PTPRR: variants seen among roughly 807,000 people sequenced by gnomAD.
The protein encoded by PTPRR is protein tyrosine phosphatase receptor type R.
In PTPRR, 38 loss-of-function variants were observed where a neutral mutation model predicts 77.2. The observed-to-expected ratio is 0.49, with a 90% CI of 0.38 to 0.65. PTPRR has a LOEUF of 0.65. Among genes scored for constraint, PTPRR ranks in the 30% least tolerant of loss-of-function variants. The probability of loss-of-function intolerance (pLI) is 0.00; values close to 1 mark genes in which losing one functional copy is unlikely to be tolerated. For synonymous variants in PTPRR, 299 were observed against 283.1 expected (o/e 1.06, Z -0.57); for missense variants, 744 against 799.2 (o/e 0.93, Z 0.83).
At chr12:70,772,925 C>A (rs74236507) in intron 2 of PTPRR, among the ~76,000 whole-genome samples, 3,896 of 152,114 alleles carry the variant, frequency 0.026, 83 homozygotes, top group East Asian at 0.11. Context: ...ATACTAGAGG[C>A]TGGAAGTCTG....
chr12:70,850,572 A>G (rs1892555785), intron 2 of PTPRR, among the ~76,000 whole-genome samples: 1 of 152,106 alleles, frequency 6.6e-6, no homozygotes, highest in South Asian at 2.1e-4. Flanking sequence ...CAGAGCTATT[A>G]TTTTATTCTT....
At chr12:70,766,029 A>G (rs1296409420) in intron 2 of PTPRR, among the ~76,000 whole-genome samples, 3 of 152,156 alleles carry the variant, frequency 2.0e-5, no homozygotes, top group Non-Finnish European at 2.9e-5. Context: ...ACCATCATCA[A>G]AGACCAAAAG....
At chr12:70,867,866 C>T (rs986522554) in intron 2 of PTPRR, among the ~76,000 whole-genome samples, 1 of 152,000 alleles carries the variant, frequency 6.6e-6, no homozygotes, top group African/African-American at 2.4e-5. Flanking sequence ...AGAACAGAGC[C>T]CTCAGAAATA....
At chr12:70,882,455 C>T (rs932967659) in intron 2 of PTPRR, among the ~76,000 whole-genome samples, 3 of 152,066 alleles carry the variant, frequency 2.0e-5, no homozygotes, top group Non-Finnish European at 4.4e-5. Context: ...AGGAGACCCA[C>T]CCTTATCATA....
At chr12:70,653,442 A>C (rs1282356972) in intron 13 of PTPRR, among the ~76,000 whole-genome samples, 1 of 152,190 alleles carries the variant, frequency 6.6e-6, no homozygotes, top group Admixed American at 6.5e-5. Flanking sequence ...AAGCAGTTAC[A>C]TGTGGGGTGT....
intron 2 of PTPRR, among the ~76,000 whole-genome samples, chr12:70,804,269 C>T (rs1891670465): frequency 6.6e-6 from 1 of 151,688 alleles, no homozygotes; most frequent in Non-Finnish European, 1.5e-5. Context: ...ATTTGAAGAC[C>T]TCTGGGCCGG....
At chr12:70,912,343 C>G (rs1893712314) in intron 1 of PTPRR, among the ~76,000 whole-genome samples, 1 of 152,100 alleles carries the variant, frequency 6.6e-6, no homozygotes, top group South Asian at 2.1e-4. Flanking sequence ...GCTGTACAGT[C>G]CAGTGAATCA....
At chr12:70,724,661 G>A (rs1889372594) in intron 6 of PTPRR, among the ~76,000 whole-genome samples, 1 of 151,986 alleles carries the variant, frequency 6.6e-6, no homozygotes. Context: ...ACCCCTATTG[G>A]TAGTTACCAC....
At chr12:70,849,814 G>A (rs1204875615) in intron 2 of PTPRR, among the ~76,000 whole-genome samples, 1 of 152,058 alleles carries the variant, frequency 6.6e-6, no homozygotes, top group African/African-American at 2.4e-5. Context: ...GATATTTGAG[G>A]ATGAACTTGC....
chr12:70,848,480 A>G (rs905901597), intron 2 of PTPRR, among the ~76,000 whole-genome samples: 1 of 152,058 alleles, frequency 6.6e-6, no homozygotes, highest in Non-Finnish European at 1.5e-5. Context: ...ATGCCCAGCT[A>G]ATTTTTTAAA....
chr12:70,883,012 C>A (rs1175155260), intron 2 of PTPRR, among the ~76,000 whole-genome samples: 2 of 152,142 alleles, frequency 1.3e-5, no homozygotes, highest in African/African-American at 4.8e-5. Context: ...GTGACTCATG[C>A]CTGTAATCCC....
chr12:70,738,268 C>T (rs1316070430), intron 6 of PTPRR, among the ~76,000 whole-genome samples: 4 of 152,128 alleles, frequency 2.6e-5, no homozygotes, highest in Non-Finnish European at 5.9e-5. Flanking sequence ...TATTATGGTA[C>T]AGCTGAAGAA....
chr12:70,834,436 C>T (rs1361202021), intron 2 of PTPRR, among the ~76,000 whole-genome samples: 36 of 152,124 alleles, frequency 2.4e-4, no homozygotes, highest in Admixed American at 2.4e-3. Flanking sequence ...TCAGGCTGTT[C>T]AAATAACATG....
intron 4 of PTPRR, 84 bp downstream of exon 4, chr12:70,761,387 C>T (rs1263403115): frequency 8.0e-7 from 1 of 1,254,916 alleles, no homozygotes; most frequent in Non-Finnish European, 1.1e-6. Context: ...AAACAACTTC[C>T]ATCTCAAAGC....
intron 10 of PTPRR, chr12:70,672,359 G>A: frequency 7.1e-7 from 1 of 1,408,106 alleles, no homozygotes; most frequent in Non-Finnish European, 1.0e-6. Context: ...TGATGAGATG[G>A]TCCTCCCATC....
chr12:70,735,236 T>A (rs1889821505), intron 6 of PTPRR, among the ~76,000 whole-genome samples: 1 of 152,188 alleles, frequency 6.6e-6, no homozygotes, highest in East Asian at 1.9e-4. Context: ...TAGAAGGTGA[T>A]TAGTCCGTTC....
chr12:70,745,897 C>A lies in PTPRR; in HGVS notation c.928G>T (p.Ala310Ser). Residue 310 changes from alanine (A) to serine (S), a missense_variant, in exon 6 of 14, where the codon GCT becomes TCT. Transcript: ENST00000283228. ...NVVVDPQGRG[A>S]PEIKATTATS... is the part of the protein sequence containing the mutation. ...GCGGTGGTAGCTTTGATCTCAGGAG[C>A]ACCTCGGCCTTGAGGGTCCACGACA... 5 of 1,614,046 alleles carry A rather than the reference C, an allele frequency of 3.1e-6. No homozygotes were observed. Among genetic ancestry groups the A allele is most frequent in the Non-Finnish European group, 4.2e-6 (5 of 1,179,996 alleles).
At chr12:70,785,394 A>G (rs187922766) in intron 2 of PTPRR, among the ~76,000 whole-genome samples, 3 of 152,264 alleles carry the variant, frequency 2.0e-5, no homozygotes, top group Admixed American at 2.0e-4. Flanking sequence ...ACATCCCCTA[A>G]TAACATTCTT....
chr12:70,887,487 G>A (rs1319072619), intron 2 of PTPRR, among the ~76,000 whole-genome samples: 2 of 151,846 alleles, frequency 1.3e-5, no homozygotes. Flanking sequence ...GAAAAAAGTA[G>A]GAAATTTACT....
Sources: allele counts gnomAD v4.1 joint callset (sites outside exome capture counted in the v4.1 genomes callset), GRCh38; gene constraint gnomAD v4.1.1; transcripts MANE v1.5; gene names NCBI Gene and HGNC (gene_info 2026-07-23, HGNC 2026-07-21).